Variants in NXPH2 observed in about 807,000 individuals in gnomAD.
The protein encoded by NXPH2 is neurexophilin-2.
NXPH2 carries 5 observed loss-of-function variants against 19.8 expected under a neutral mutation model. The ratio of observed to expected loss-of-function variants is 0.25; its 90% CI spans 0.13 to 0.53. The LOEUF (loss-of-function observed/expected upper bound fraction) is 0.53, where lower values mean the gene tolerates loss of function less well. NXPH2 is among the 20% of genes least tolerant of loss of function. NXPH2 has a pLI of 0.96. For missense variants in NXPH2, 289 were observed against 322.8 expected (o/e 0.90, Z 0.80); for synonymous variants, 154 against 127.4 (o/e 1.21, Z -1.41).
chr2:138,740,293 A>G (rs1054551020), intron 1 of NXPH2, among the ~76,000 whole-genome samples: 3 of 152,182 alleles, frequency 2.0e-5, no homozygotes, highest in Non-Finnish European at 4.4e-5. Context: ...AGAGTTAACA[A>G]CATGAAGTAA....
At chr2:138,758,281 C>A (rs535284281) in intron 1 of NXPH2, among the ~76,000 whole-genome samples, 155 of 152,196 alleles carry the variant, frequency 1.0e-3, no homozygotes, top group Non-Finnish European at 1.6e-3. Context: ...TGAGGATCTA[C>A]CCAGGATCCT....
intron 1 of NXPH2, among the ~76,000 whole-genome samples, chr2:138,688,485 G>A (rs1268267401): frequency 1.3e-5 from 2 of 152,100 alleles, no homozygotes; most frequent in African/African-American, 4.8e-5. Context: ...CTCGGATGAG[G>A]CATCTTTTTT....
intron 1 of NXPH2, among the ~76,000 whole-genome samples, chr2:138,776,312 T>A (rs1399044197): frequency 6.6e-6 from 1 of 152,010 alleles, no homozygotes; most frequent in African/African-American, 2.4e-5. Context: ...AAAGAAAAAA[T>A]TACAAAAAAA....
chr2:138,739,523 A>C (rs960123478), intron 1 of NXPH2, among the ~76,000 whole-genome samples: 4 of 152,114 alleles, frequency 2.6e-5, no homozygotes, highest in Admixed American at 2.6e-4. Flanking sequence ...AATGAGGGAG[A>C]GAGGAAATGG....
At chr2:138,740,734 C>T (rs1385178762) in intron 1 of NXPH2, among the ~76,000 whole-genome samples, 3 of 151,748 alleles carry the variant, frequency 2.0e-5, no homozygotes, top group South Asian at 2.1e-4. Context: ...ATTCTTATTG[C>T]GTTGTAAAGT....
In NXPH2 at chr2:138,705,343, C is replaced by T. The variant is rs141932848; in HGVS notation, c.52-33678G>A. 1.7e-3 allele frequency among the ~76,000 whole-genome samples: 258 copies of T among 151,984 alleles called. 1 individual carries two copies. Among genetic ancestry groups the T allele is most frequent in the African/African-American group, 6.0e-3 (250 of 41,436 alleles). Reference sequence around the variant, plus strand: ...ATATGGAATTCTCATATTAAATATACGTATATTTTAAGTCATGTCTGAGGC... The same window carrying T: ...ATATGGAATTCTCATATTAAATATATGTATATTTTAAGTCATGTCTGAGGC... On this transcript the variant is annotated intron_variant, in intron 1 of 1. Transcript: ENST00000272641.
chr2:138,752,335 A>G (rs565433564), intron 1 of NXPH2, among the ~76,000 whole-genome samples: 94 of 152,254 alleles, frequency 6.2e-4, no homozygotes, highest in African/African-American at 2.2e-3. Context: ...CACAAAATTA[A>G]CAACGGAGAA....
At position 138,704,823 on chromosome 2, in the gene NXPH2, A is replaced by AT. The variant is rs70982013; in HGVS notation, c.52-33159dup. ...ATGTGTGCACCACCACGCCCAGCTAATTTTTTTTTTTTTTTTTTGAGATGG... is the reference window on the plus strand; with the variant it reads ...ATGTGTGCACCACCACGCCCAGCTAATTTTTTTTTTTTTTTTTTTGAGATGG... On this transcript the variant is annotated intron_variant, in intron 1 of 1. Transcript: ENST00000272641. Among the ~76,000 whole-genome samples the AT allele has an allele frequency of 6.1e-3, 854 of 139,512 alleles. 9 individuals are homozygous for AT. The highest frequency in any genetic ancestry group is 0.02 in the African/African-American group (733 of 37,154). The allele number at this position is 139,512 out of a possible 152,430, so 91.5% of individuals were successfully genotyped here. A position where few individuals can be genotyped will look rare whatever the true frequency, so the allele number is the denominator to read the frequency against.
intron 1 of NXPH2, among the ~76,000 whole-genome samples, chr2:138,770,088 T>C (rs10193914): frequency 0.25 from 37,518 of 152,002 alleles, 4,752 homozygotes; most frequent in Admixed American, 0.33. Flanking sequence ...TAAGTAGTCA[T>C]AAAGGAAATA....
intron 1 of NXPH2, among the ~76,000 whole-genome samples, chr2:138,753,720 C>T (rs1355910107): frequency 6.6e-6 from 1 of 152,118 alleles, no homozygotes; most frequent in Non-Finnish European, 1.5e-5. Context: ...GCCTCCTCCC[C>T]TTGATATCTG....
At chr2:138,725,947 A>G (rs775148049) in intron 1 of NXPH2, among the ~76,000 whole-genome samples, 1 of 152,150 alleles carries the variant, frequency 6.6e-6, no homozygotes, top group Non-Finnish European at 1.5e-5. Context: ...CAATTCCTTG[A>G]CTATATCTGG....
intron 1 of NXPH2, among the ~76,000 whole-genome samples, chr2:138,748,916 G>A (rs1681784212): frequency 6.6e-6 from 1 of 152,100 alleles, no homozygotes; most frequent in East Asian, 1.9e-4. Context: ...TCAAAGAAAA[G>A]CAGTTTTGCA....
At chr2:138,717,803 C>T (rs528133777) in intron 1 of NXPH2, among the ~76,000 whole-genome samples, 1 of 152,210 alleles carries the variant, frequency 6.6e-6, no homozygotes, top group South Asian at 2.1e-4. Flanking sequence ...TCAAAAACAA[C>T]TCTAAAAATT....
chr2:138,741,531 T>C (rs1681641768), intron 1 of NXPH2, among the ~76,000 whole-genome samples: 1 of 152,164 alleles, frequency 6.6e-6, no homozygotes, highest in African/African-American at 2.4e-5. Flanking sequence ...GTGATTTTGG[T>C]GAAAGATGCA....
intron 1 of NXPH2, among the ~76,000 whole-genome samples, chr2:138,696,692 A>G (rs1414629004): frequency 6.6e-6 from 1 of 152,208 alleles, no homozygotes; most frequent in Non-Finnish European, 1.5e-5. Context: ...GCAATCTGGC[A>G]GTTTTGTATA....
chr2:138,716,130 C>T (rs1204487571), intron 1 of NXPH2, among the ~76,000 whole-genome samples: 1 of 152,186 alleles, frequency 6.6e-6, no homozygotes, highest in African/African-American at 2.4e-5. Context: ...TGATTTCTCT[C>T]TCCAAAATTT....
At chr2:138,706,076 G>T (rs891899852) in intron 1 of NXPH2, among the ~76,000 whole-genome samples, 1 of 152,158 alleles carries the variant, frequency 6.6e-6, no homozygotes, top group Non-Finnish European at 1.5e-5. Context: ...ACAGTTTTAT[G>T]TATCAGAGTG....
chr2:138,710,538 G>A (rs1049943666), intron 1 of NXPH2, among the ~76,000 whole-genome samples: 1 of 152,022 alleles, frequency 6.6e-6, no homozygotes, highest in Non-Finnish European at 1.5e-5. Context: ...ACACACAAGG[G>A]TTCCAGTTTG....
rs182670031 is a variant in NXPH2, at chr2:138,711,964, G to A, written c.52-40299C>T. ...TCTAAAGAGCAACCAGTTAGCTTGG[G>A]GTGTCACTAGAAGAGGGCAGATGGC... On this transcript the variant is annotated intron_variant, in intron 1 of 1. Coordinates refer to ENST00000272641, the MANE Select transcript of NXPH2 (RefSeq NM_007226.3). Among the ~76,000 whole-genome samples the A allele has an allele frequency of 3.6e-3, 552 of 152,272 alleles. 3 individuals carry two copies. Among genetic ancestry groups the A allele is most frequent in the Non-Finnish European group, 5.8e-3 (393 of 68,020 alleles).
Sources: gnomAD v4.1 joint callset for allele counts (sites outside exome capture counted in the v4.1 genomes callset) on GRCh38, gnomAD v4.1.1 for gene constraint, MANE v1.5 for transcripts, NCBI Gene and HGNC (gene_info 2026-07-23, HGNC 2026-07-21) for gene names.